The following TDRP variants were observed in gnomAD, a reference collection of about 807,000 sequenced individuals.
TDRP encodes the protein testis development-related protein.
Under a neutral mutation model 10.5 loss-of-function variants are expected in TDRP, and 12 were observed. The ratio of observed to expected loss-of-function variants is 1.15; its 90% CI spans 0.73 to 1.86. The LOEUF (loss-of-function observed/expected upper bound fraction) is 1.86, where lower values mean the gene tolerates loss of function less well. Among genes scored for constraint, TDRP ranks in the 40% most tolerant of loss-of-function variants. TDRP has a pLI of 0.00. For synonymous variants in TDRP, 139 were observed against 95.4 expected, an observed-to-expected ratio of 1.46 and a Z score of -2.67; for missense variants, 353 against 229.2, an observed-to-expected ratio of 1.54 and a Z score of -3.49.
At chr8:508,413 G>A (rs776441429) in intron 1 of TDRP, among the ~76,000 whole-genome samples, 3 of 152,170 alleles carry the variant, frequency 2.0e-5, no homozygotes, top group Admixed American at 6.5e-5. Context: ...CCACATGGCT[G>A]GGAAGGCCTC....
At position 490,066 on chromosome 8, in the gene TDRP, A is replaced by G. The variant is rs1357116182; in HGVS notation, c.*2333T>C. 6.6e-6 allele frequency: 1 copy of G among 152,190 alleles called. No individual in the cohort carries two copies. The highest frequency in any genetic ancestry group is 3.2e-3 in the Middle Eastern group (1 of 316). 9.4% of individuals were successfully genotyped at this position (152,190 alleles called of 1,614,324 possible). A position where few individuals can be genotyped will look rare whatever the true frequency, so the allele number is the denominator to read the frequency against. On this transcript the variant is annotated 3_prime_UTR_variant, in exon 3 of 3. Coordinates refer to ENST00000324079, the MANE Select transcript of TDRP (RefSeq NM_001384899.1). The stretch of plus-strand genomic sequence containing the variant: ...AGTACAGTAGAAGGAGCACAGGACA[A>G]CTCTCTTCACACAAGGAAGCTGTGT...
intron 1 of TDRP, among the ~76,000 whole-genome samples, chr8:537,603 C>T (rs141386273): frequency 3.3e-5 from 5 of 152,302 alleles, no homozygotes; most frequent in African/African-American, 7.2e-5. Context: ...ATGGGGACTA[C>T]GAGGTTTTTA....
intron 2 of TDRP, 54 bp from the exon 3 acceptor site, chr8:492,798 C>G (rs371795507): frequency 2.3e-6 from 3 of 1,311,172 alleles, no homozygotes; most frequent in Non-Finnish European, 3.1e-6. Flanking sequence ...GGGCCTCAAG[C>G]TTTATCCATT....
chr8:507,736 TG>T (rs35214610), intron 1 of TDRP, among the ~76,000 whole-genome samples: 2 of 151,906 alleles, frequency 1.3e-5, no homozygotes, highest in African/African-American at 2.4e-5. Flanking sequence ...ACAGCAACAA[TG>T]GGAAAGGGGG....
chr8:527,705 G>A (rs1802070131), intron 1 of TDRP, among the ~76,000 whole-genome samples: 1 of 152,130 alleles, frequency 6.6e-6, no homozygotes, highest in Non-Finnish European at 1.5e-5. Context: ...ATATCCACAT[G>A]CAGAAGAATG....
rs145604689 is a variant in TDRP at position 493,496 on chromosome 8, C to T, written c.213-752G>A. 7.6e-4 allele frequency among the ~76,000 whole-genome samples: 116 copies of T among 152,374 alleles called. 1 individual carries two copies. The highest frequency in any genetic ancestry group is 6.8e-3 in the Middle Eastern group (2 of 294). ...GTGCACAGAAGTGCAGAGAAGCAGA[C>T]CGGGGGCCCACAGTCCTCAAACAAA... is the stretch of plus-strand genomic sequence containing the variant. On this transcript the variant is annotated intron_variant, in intron 2 of 2. Transcript: ENST00000324079.
At chr8:511,793 C>G (rs1233503578) in intron 1 of TDRP, among the ~76,000 whole-genome samples, 1 of 152,108 alleles carries the variant, frequency 6.6e-6, no homozygotes, top group Non-Finnish European at 1.5e-5. Flanking sequence ...GAAAAACTCT[C>G]AAATATGTGG....
chr8:526,407 G>A (rs1158649698), intron 1 of TDRP, among the ~76,000 whole-genome samples: 1 of 152,070 alleles, frequency 6.6e-6, no homozygotes, highest in African/African-American at 2.4e-5. Flanking sequence ...AGTTTTTTGA[G>A]CGTTCTTATT....
In TDRP at chr8:492,405, C is replaced by T. The variant is rs201997368; in HGVS notation, c.552G>A (p.Ala184=). Reference sequence around the variant, plus strand: ...ACTTGCCACGCAGCCCCCCTCACTCCGCCTCCTCCGGGCTATCTGTCAGGT... The same window carrying T: ...ACTTGCCACGCAGCCCCCCTCACTCTGCCTCCTCCGGGCTATCTGTCAGGT... ...KGHLTDSPEE[A]E is the part of the protein sequence containing the mutation. Residue 184 remains alanine, a synonymous_variant, in exon 3 of 3, where the codon GCG becomes GCA. Transcript: ENST00000324079. 563 of 1,529,916 alleles carry T rather than the reference C, an allele frequency of 3.7e-4. 6 individuals are homozygous for T. The Middle Eastern group carries it at 0.011, about 30-fold the overall frequency. The allele number at this position is 1,529,916 out of a possible 1,614,324, so 94.8% of individuals were successfully genotyped here. A position where few individuals can be genotyped will look rare whatever the true frequency, so the allele number is the denominator to read the frequency against.
intron 1 of TDRP, among the ~76,000 whole-genome samples, chr8:537,955 AAAATT>A (rs1185948643): frequency 1.3e-5 from 2 of 152,210 alleles, no homozygotes; most frequent in African/African-American, 4.8e-5. Context: ...CCTTCATAAT[AAAATT>A]ATTTTATTTC....
At chr8:501,477 G>T (rs1054488085) in intron 1 of TDRP, among the ~76,000 whole-genome samples, 1 of 151,808 alleles carries the variant, frequency 6.6e-6, no homozygotes, top group Non-Finnish European at 1.5e-5. Context: ...CTCCTGAGTA[G>T]CTGGAATTAC....
chr8:510,895 G>A (rs901336510), intron 1 of TDRP, among the ~76,000 whole-genome samples: 1 of 152,078 alleles, frequency 6.6e-6, no homozygotes, highest in Admixed American at 6.5e-5. Context: ...CATAGAATAG[G>A]CATATACTAC....
intron 1 of TDRP, among the ~76,000 whole-genome samples, chr8:505,291 C>T (rs1383860703): frequency 6.6e-6 from 1 of 152,200 alleles, no homozygotes; most frequent in African/African-American, 2.4e-5. Flanking sequence ...TACAAGTCCA[C>T]AAATACCTCT....
chr8:498,796 G>A (rs548394958), intron 1 of TDRP, among the ~76,000 whole-genome samples: 35 of 152,272 alleles, frequency 2.3e-4, no homozygotes, highest in South Asian at 1.5e-3. Context: ...GACGTGACTG[G>A]ATCATGGAAG....
intron 1 of TDRP, among the ~76,000 whole-genome samples, chr8:502,173 G>A (rs1801322566): frequency 6.6e-6 from 1 of 152,228 alleles, no homozygotes; most frequent in Non-Finnish European, 1.5e-5. Context: ...CAACAAAAAG[G>A]CACAGAACAG....
intron 1 of TDRP, among the ~76,000 whole-genome samples, chr8:499,612 C>G (rs887127016): frequency 1.1e-4 from 17 of 152,240 alleles, no homozygotes; most frequent in African/African-American, 3.9e-4. Context: ...GGTGCACAAA[C>G]AGACATGATC....
Position 491,411 on chromosome 8 carries a change from A to G in TDRP, c.*988T>C, listed in dbSNP as rs1473062094. 8.4e-6 allele frequency: 4 copies of G among 473,388 alleles called. No homozygotes were observed. The highest frequency in any genetic ancestry group is 1.1e-5 in the Non-Finnish European group (3 of 278,138). The allele number at this position is 473,388 out of a possible 1,614,324, so 29.3% of individuals were successfully genotyped here. ...GATACTGTGCAGGATCACATTGTCA[A>G]GGACAGTAAGCAGACAGAAAAAGAA... On this transcript the variant is annotated 3_prime_UTR_variant, in exon 3 of 3. Transcript: ENST00000324079.
intron 1 of TDRP, among the ~76,000 whole-genome samples, chr8:521,592 T>A (rs929443858): frequency 5.9e-5 from 9 of 152,222 alleles, no homozygotes; most frequent in African/African-American, 2.2e-4. Flanking sequence ...TTGTTCTATA[T>A]GTCCGTGTTT....
At position 528,403 on chromosome 8, in the gene TDRP, G is replaced by C. The variant is rs539999886; in HGVS notation, c.108+16247C>G. 1.5e-5 allele frequency among the ~76,000 whole-genome samples: 2 copies of C among 130,974 alleles called. 1 individual carries two copies. Among genetic ancestry groups the C allele is most frequent in the Admixed American group, 1.7e-4 (2 of 12,002 alleles). 85.9% of individuals were successfully genotyped at this position (130,974 alleles called of 152,430 possible). On this transcript the variant is annotated intron_variant, in intron 1 of 2. Transcript: ENST00000324079. ...TACCATAGGATCCAGCAATCCCACT[G>C]CTAGATATATACCCAAAAGAAAGGA...
Sources: allele counts gnomAD v4.1 joint callset (sites outside exome capture counted in the v4.1 genomes callset), GRCh38; gene constraint gnomAD v4.1.1; transcripts MANE v1.5; gene names NCBI Gene and HGNC (gene_info 2026-07-23, HGNC 2026-07-21).